KDM6A: variants seen among roughly 807,000 people sequenced by gnomAD.
The protein encoded by KDM6A is lysine-specific demethylase 6A.
In KDM6A, 11 loss-of-function variants were observed where a neutral mutation model predicts 117.6. The ratio of observed to expected loss-of-function variants is 0.09; its 90% confidence interval spans 0.06 to 0.15. The LOEUF (loss-of-function observed/expected upper bound fraction) is 0.15. Ranked by LOEUF, KDM6A falls within the 10% of genes least tolerant of loss-of-function variation. The probability of loss-of-function intolerance (pLI) is 1.00; values close to 1 mark genes in which losing one functional copy is unlikely to be tolerated. For missense variants in KDM6A, 799 were observed against 1,077.3 expected, an observed-to-expected ratio of 0.74 and a Z score of 3.62; for synonymous variants, 384 against 396.1, an observed-to-expected ratio of 0.97 and a Z score of 0.36.
At chrX:44,986,769 TGA>T (rs2040250002) in intron 4 of KDM6A, among the ~76,000 whole-genome samples, 6 of 112,256 alleles carry the variant, frequency 5.3e-5, no homozygotes, top group Admixed American at 9.5e-5. Context: ...CACTGTGGTC[TGA>T]GAGAGAGTTT....
rs766469571 is a variant in KDM6A at position 45,076,775 on chromosome X, A to G, written c.2937A>G (p.Pro979=). Residue 979 remains proline (P), a synonymous_variant, in exon 19 of 30, where the codon CCA becomes CCG. Coordinates refer to ENST00000611820, the MANE Select transcript of KDM6A (RefSeq NM_001291415.2). ...KCPPPRPPSS[P]YPPLPKDKLN... ...CACCTCCAAGACCACCATCTTCACC[A>G]TACCCTCCCTTGCCAAAGGACAAGT... The G allele has an allele frequency of 1.7e-6, 2 of 1,194,448 alleles. No homozygotes were observed.
Position 45,029,030 on chromosome X carries a change from G to T in KDM6A, c.565-5901G>T, listed in dbSNP as rs768849074. On this transcript the variant is annotated intron_variant, in intron 6 of 29. Transcript: ENST00000611820. ...CTTCTAGTATATTTTAACTACAGAA[G>T]TCATTTCTAAAGTGATTTCTGGTGC... 5.3e-5 allele frequency among the ~76,000 whole-genome samples: 6 copies of T among 112,371 alleles called. No individual in the cohort carries two copies. In the Admixed American group the frequency reaches 5.7e-4, roughly 11 times the overall value.
rs1371410703 is a variant in KDM6A at position 44,985,343 on chromosome X, G to A, written c.384+10628G>A. On this transcript the variant is annotated intron_variant, in intron 4 of 29. Transcript: ENST00000611820. ...TGGGGTTTTCTAGATATACAATCAT[G>A]TCATCTGCAAACAGGGACAATTTTA... 2.7e-5 allele frequency among the ~76,000 whole-genome samples: 3 copies of A among 111,755 alleles called. No homozygotes were observed. In the East Asian group the frequency reaches 8.4e-4, roughly 31 times the overall value.
intron 2 of KDM6A, among the ~76,000 whole-genome samples, chrX:44,910,402 T>G (rs1052170632): frequency 2.7e-5 from 3 of 111,449 alleles, no homozygotes; most frequent in African/African-American, 9.8e-5. Context: ...TTGGCCAGGC[T>G]GGTCTGGAAC....
At chrX:44,948,281 A>G (rs1408909249) in intron 2 of KDM6A, among the ~76,000 whole-genome samples, 1 of 111,898 alleles carries the variant, frequency 8.9e-6, no homozygotes, top group Non-Finnish European at 1.9e-5. Context: ...TATGCCTGGT[A>G]GCTCTAGCGG....
At chrX:44,913,544 C>T (rs1446172713) in intron 2 of KDM6A, among the ~76,000 whole-genome samples, 1 of 110,406 alleles carries the variant, frequency 9.1e-6, no homozygotes, top group Non-Finnish European at 1.9e-5. Context: ...CTCAGGTGAT[C>T]TGCCCGTCTT....
Position 44,958,604 on chromosome X carries a change from C to CTTTTTTTTT in KDM6A, c.226-2663_226-2655dup, listed in dbSNP as rs34006049. On this transcript the variant is annotated intron_variant, in intron 2 of 29. Transcript: ENST00000611820. ...TTCTGTGTGGGACAACTATATAGAC[C>CTTTTTTTTT]TTTTTTTTTTTTTTTTTTTTTTTTT... Among the ~76,000 whole-genome samples the CTTTTTTTTT allele has an allele frequency of 7.8e-4, 44 of 56,451 alleles. 3 individuals are homozygous for CTTTTTTTTT. The highest frequency in any genetic ancestry group is 3.5e-3 in the African/African-American group (34 of 9,855). The allele number at this position is 56,451 out of a possible 115,157, so 49.0% of individuals were successfully genotyped here.
At chrX:44,880,195 A>G (rs1049914188) in intron 2 of KDM6A, among the ~76,000 whole-genome samples, 8 of 107,367 alleles carry the variant, frequency 7.5e-5, no homozygotes, top group African/African-American at 2.4e-4. Context: ...AAAAAATCAC[A>G]TTTTAGCTTT....
At chrX:44,921,747 T>A (rs2035950618) in intron 2 of KDM6A, among the ~76,000 whole-genome samples, 1 of 110,852 alleles carries the variant, frequency 9.0e-6, no homozygotes, top group African/African-American at 3.3e-5. Flanking sequence ...ATTTGGCTCT[T>A]ATAAATAAAC....
intron 2 of KDM6A, among the ~76,000 whole-genome samples, chrX:44,936,143 C>CTTTT (rs2036954892): frequency 9.0e-6 from 1 of 111,687 alleles, no homozygotes. Context: ...AGTTCCTTGC[C>CTTTT]TTTTTCCACC....
intron 10 of KDM6A, among the ~76,000 whole-genome samples, chrX:45,056,290 A>T (rs2044068664): frequency 9.0e-6 from 1 of 111,625 alleles, no homozygotes; most frequent in African/African-American, 3.3e-5. Flanking sequence ...GAAACATTTT[A>T]TGAATGAATT....
intron 17 of KDM6A, among the ~76,000 whole-genome samples, chrX:45,067,644 C>CTTT (rs1267780901): frequency 0.044 from 3,880 of 89,043 alleles, 94 homozygotes; most frequent in African/African-American, 0.08. Flanking sequence ...TGGTGTGTAT[C>CTTT]TTTTTTTTGT....
intron 2 of KDM6A, among the ~76,000 whole-genome samples, chrX:44,943,005 TTC>T (rs1555997760): frequency 2.7e-5 from 3 of 111,761 alleles, no homozygotes; most frequent in African/African-American, 9.7e-5. Flanking sequence ...TATACTTCAT[TTC>T]TCTCATTGTG....
At chrX:44,995,848 C>G (rs746709204) in intron 4 of KDM6A, among the ~76,000 whole-genome samples, 7 of 111,337 alleles carry the variant, frequency 6.3e-5, no homozygotes, top group African/African-American at 2.3e-4. Flanking sequence ...TTCAGCAGCA[C>G]GGGGAAGGAA....
At chrX:44,980,472 G>A (rs1471602412) in intron 4 of KDM6A, among the ~76,000 whole-genome samples, 1 of 109,817 alleles carries the variant, frequency 9.1e-6, no homozygotes, top group Non-Finnish European at 1.9e-5. Flanking sequence ...GCTTGTTCGT[G>A]AACATGGCGT....
intron 3 of KDM6A, among the ~76,000 whole-genome samples, chrX:44,965,001 T>C (rs2038935337): frequency 8.9e-6 from 1 of 112,676 alleles, no homozygotes; most frequent in Non-Finnish European, 1.9e-5. Flanking sequence ...ATCTTCTGGA[T>C]AATTTGCTAC....
chrX:44,886,958 G>A (rs1285982020), intron 2 of KDM6A, among the ~76,000 whole-genome samples: 2 of 101,934 alleles, frequency 2.0e-5, no homozygotes, highest in East Asian at 6.0e-4. Flanking sequence ...TTTTTTGTAG[G>A]CAGGGTCTCA....
chrX:44,890,426 G>C (rs1243299950), intron 2 of KDM6A, among the ~76,000 whole-genome samples: 1 of 111,280 alleles, frequency 9.0e-6, no homozygotes, highest in Admixed American at 9.6e-5. Flanking sequence ...TACAATTGCT[G>C]GTAGTTGCAT....
At chrX:44,971,671 A>G (rs1408750617) in intron 3 of KDM6A, among the ~76,000 whole-genome samples, 2 of 111,377 alleles carry the variant, frequency 1.8e-5, no homozygotes, top group East Asian at 5.7e-4. Context: ...CTGAGCTTAC[A>G]AAATGAGGGG....
Sources: gnomAD v4.1 joint callset for allele counts (sites outside exome capture counted in the v4.1 genomes callset) on GRCh38, gnomAD v4.1.1 for gene constraint, MANE v1.5 for transcripts, NCBI Gene and HGNC (gene_info 2026-07-23, HGNC 2026-07-21) for gene names.